Variants in INSYN2A observed in about 807,000 individuals in gnomAD.
INSYN2A encodes inhibitory synaptic factor 2A, also known as family with sequence similarity 196 member A.
A neutral mutation model predicts 39.4 loss-of-function variants in INSYN2A; 17 were observed. The ratio of observed to expected loss-of-function variants is 0.43; its 90% CI spans 0.30 to 0.65. INSYN2A has a LOEUF of 0.65. Among genes scored for constraint, INSYN2A ranks in the 30% least tolerant of loss-of-function variants. INSYN2A has a pLI of 0.14. For synonymous variants in INSYN2A, 255 were observed against 265.7 expected (o/e 0.96, Z 0.39); for missense variants, 595 against 631.2 (o/e 0.94, Z 0.61).
At chr10:127,164,765 T>G (rs2053930868) in intron 4 of INSYN2A, among the ~76,000 whole-genome samples, 2 of 152,168 alleles carry the variant, frequency 1.3e-5, no homozygotes, top group Admixed American at 1.3e-4. Context: ...TAATTATTAT[T>G]TTGTGTGTGG....
chr10:127,174,856 T>C (rs987176616), intron 4 of INSYN2A, among the ~76,000 whole-genome samples: 2 of 152,236 alleles, frequency 1.3e-5, no homozygotes, highest in African/African-American at 4.8e-5. Context: ...GATTCTCTTC[T>C]TATTTAGAAT....
rs142461598 is a variant in INSYN2A at position 127,179,014 on chromosome 10, C to T, written c.-268-1875G>A. On this transcript the variant is annotated intron_variant, in intron 2 of 5. Transcript: ENST00000522781. ...CCAGGTATGTCAGAATGTATTGTGC[C>T]ATCATTCTGCAGAAGACCTTCATAC... is the stretch of plus-strand genomic sequence containing the variant. 4.9e-3 allele frequency among the ~76,000 whole-genome samples: 750 copies of T among 152,226 alleles called. 7 individuals carry two copies. Among genetic ancestry groups the T allele is most frequent in the African/African-American group, 0.017 (716 of 41,540 alleles).
At chr10:127,193,892 C>G (rs2056921083) in intron 1 of INSYN2A, among the ~76,000 whole-genome samples, 3 of 152,200 alleles carry the variant, frequency 2.0e-5, no homozygotes, top group Non-Finnish European at 4.4e-5. Context: ...TTGCAGAAAT[C>G]TCATTGTGCA....
At chr10:127,157,596 G>C (rs2053208196) in intron 4 of INSYN2A, among the ~76,000 whole-genome samples, 1 of 152,164 alleles carries the variant, frequency 6.6e-6, no homozygotes, top group Non-Finnish European at 1.5e-5. Context: ...AAATGGTTTG[G>C]CTGACGTTTG....
At chr10:127,157,182 G>C (rs980851962) in intron 4 of INSYN2A, among the ~76,000 whole-genome samples, 4 of 152,190 alleles carry the variant, frequency 2.6e-5, no homozygotes, top group Non-Finnish European at 5.9e-5. Context: ...CTCTAAGGAG[G>C]TGACATTTTT....
At chr10:127,145,919 C>T (rs745729275) in intron 5 of INSYN2A, 2 of 492,038 alleles carry the variant, frequency 4.1e-6, no homozygotes, top group Non-Finnish European at 8.1e-6. Context: ...TGCATTCCTG[C>T]AGGAGGTCCC....
At chr10:127,163,709 C>T (rs948696776) in intron 4 of INSYN2A, among the ~76,000 whole-genome samples, 2 of 151,908 alleles carry the variant, frequency 1.3e-5, no homozygotes, top group South Asian at 4.1e-4. Flanking sequence ...AAAGATCAGT[C>T]GTCTTCTGCT....
At chr10:127,153,204 GA>G (rs2052681400) in intron 5 of INSYN2A, among the ~76,000 whole-genome samples, 2 of 152,300 alleles carry the variant, frequency 1.3e-5, no homozygotes, top group South Asian at 4.1e-4. Flanking sequence ...AAGAAAAAAG[GA>G]TAGCCATCCT....
At position 127,175,572 on chromosome 10, in the gene INSYN2A, G is replaced by A. The variant is rs1173390815; in HGVS notation, c.824C>T (p.Ala275Val). 1 of 1,611,918 alleles carries A rather than the reference G, an allele frequency of 6.2e-7. No homozygotes were observed. The highest frequency in any genetic ancestry group is 2.2e-5 in the East Asian group (1 of 44,864). Reference protein sequence around the residue: ...APEPGLSDSAAASQWSLCPAD... With the variant: ...APEPGLSDSAVASQWSLCPAD... The stretch of plus-strand genomic sequence containing the variant: ...CGGGCAGAGTGACCACTGGCTGGCG[G>A]CTGCAGAGTCTGACAAACCAGGCTC... The change falls in exon 4 of 6, where the codon GCC (alanine) becomes GTC (valine). Residue 275 changes from alanine to valine, a missense_variant. Transcript: ENST00000522781. This position sits in a 1 kb window ranked among gnomAD's most constrained non-coding sequence, Gnocchi z 6.3.
intron 4 of INSYN2A, among the ~76,000 whole-genome samples, chr10:127,163,799 C>CT (rs531750560): frequency 0.028 from 3,595 of 129,158 alleles, 109 homozygotes; most frequent in African/African-American, 0.062. Context: ...TAAAGCCTTC[C>CT]TTTTTTTTTT....
In INSYN2A at chr10:127,175,932, G is replaced by A; in HGVS notation, c.464C>T (p.Pro155Leu). The A allele has an allele frequency of 2.5e-6, 4 of 1,614,162 alleles. No homozygotes were observed. Among genetic ancestry groups the A allele is most frequent in the Non-Finnish European group, 2.5e-6 (3 of 1,180,038 alleles). ...GCCACATGGCCGGGCCTCCTCCATG[G>A]GTCCAGCCTCGTTCTTCTCTTTCGC... ...TDAKEKNEAG[P>L]MEEARPCGAG... The change falls in exon 4 of 6, where the codon CCC becomes CTC. Residue 155 changes from proline to leucine, a missense_variant. This residue lies in a region of INSYN2A where 478 missense variants were observed against 467.4 expected (regional missense o/e 1.02). Transcript: ENST00000522781. This position sits in a 1 kb window ranked among gnomAD's most constrained non-coding sequence, Gnocchi z 6.3.
intron 2 of INSYN2A, among the ~76,000 whole-genome samples, chr10:127,180,511 G>A (rs1490725592): frequency 6.6e-6 from 1 of 152,230 alleles, no homozygotes; most frequent in Non-Finnish European, 1.5e-5. Flanking sequence ...AGAGCTAGAT[G>A]TCGAGGAGCT....
At chr10:127,184,780 T>C (rs1016795481) in intron 2 of INSYN2A, among the ~76,000 whole-genome samples, 1 of 152,196 alleles carries the variant, frequency 6.6e-6, no homozygotes, top group African/African-American at 2.4e-5. Flanking sequence ...GACCGCGCCC[T>C]GGTCCTCCTT....
At chr10:127,174,322 G>A (rs921514908) in intron 4 of INSYN2A, among the ~76,000 whole-genome samples, 16 of 152,094 alleles carry the variant, frequency 1.1e-4, no homozygotes, top group Non-Finnish European at 1.6e-4. Context: ...GAGAGGTCTC[G>A]GCAATCCAGG....
intron 2 of INSYN2A, among the ~76,000 whole-genome samples, chr10:127,183,829 T>G (rs1281676560): frequency 6.6e-6 from 1 of 152,224 alleles, no homozygotes; most frequent in Non-Finnish European, 1.5e-5. Flanking sequence ...AAAATCTACC[T>G]CTTATCAATC....
intron 5 of INSYN2A, among the ~76,000 whole-genome samples, chr10:127,141,512 G>C (rs185734736): frequency 8.6e-4 from 131 of 152,218 alleles, no homozygotes; most frequent in Non-Finnish European, 1.8e-3. Context: ...AGACCAGTCT[G>C]GCCAACATGG....
At chr10:127,144,130 C>T (rs778355169) in intron 5 of INSYN2A, among the ~76,000 whole-genome samples, 1 of 152,168 alleles carries the variant, frequency 6.6e-6, no homozygotes, top group Non-Finnish European at 1.5e-5. Context: ...CCTCCTTGGC[C>T]ATTGAAACAG....
chr10:127,156,547 CTTCTTCTTCTTCTTCT>C (rs2053074832), intron 4 of INSYN2A, among the ~76,000 whole-genome samples: 2 of 88,196 alleles, frequency 2.3e-5, no homozygotes, highest in African/African-American at 8.3e-5. Context: ...TCTTCTTCTT[CTTCTTCTTCTTCTTCT>C]TTTTTTTTTT....
intron 5 of INSYN2A, among the ~76,000 whole-genome samples, chr10:127,152,239 A>G (rs1348396132): frequency 6.6e-6 from 1 of 152,158 alleles, no homozygotes; most frequent in African/African-American, 2.4e-5. Context: ...GGGTCATTTT[A>G]TGTCAGTGTT....
Sources: gnomAD v4.1 joint callset for allele counts (sites outside exome capture counted in the v4.1 genomes callset) on GRCh38, gnomAD v4.1.1 for gene constraint, gnomAD v4.1.1 regional missense constraint, Gnocchi (gnomAD v3.1) non-coding constraint, MANE v1.5 for transcripts, NCBI Gene and HGNC (gene_info 2026-07-23, HGNC 2026-07-21) for gene names.